The following FHIP1A variants were observed in gnomAD, a reference collection of about 807,000 sequenced individuals.
The protein encoded by FHIP1A is FHF complex subunit HOOK-interacting protein 1A.
FHIP1A carries 61 observed loss-of-function variants against 88.6 expected under a neutral mutation model. The observed-to-expected ratio is 0.69, with a 90% CI of 0.56 to 0.85. The LOEUF is 0.85. Among genes scored for constraint, FHIP1A ranks in the 40% least tolerant of loss-of-function variants. FHIP1A has a pLI of 0.00. For synonymous variants in FHIP1A, 478 were observed against 496.0 expected (o/e 0.96, Z 0.48); for missense variants, 1,154 against 1,273.5 (o/e 0.91, Z 1.43).
At chr4:151,434,536 T>C (rs1168044188) in intron 1 of FHIP1A, among the ~76,000 whole-genome samples, 1 of 152,208 alleles carries the variant, frequency 6.6e-6, no homozygotes, top group Non-Finnish European at 1.5e-5. Flanking sequence ...GTAAATATTT[T>C]CACATTGACT....
chr4:151,436,514 A>G (rs1019458139), intron 1 of FHIP1A: 1 of 152,138 alleles, frequency 6.6e-6, no homozygotes, highest in Non-Finnish European at 1.5e-5. Flanking sequence ...GGCTACAGTT[A>G]CTGGTACGCA....
rs1228408174 is a variant in FHIP1A, at chr4:151,650,072, C to A, written c.2031C>A (p.Val677=). Residue 677 remains valine, a synonymous_variant, in exon 11 of 14, where the codon GTC becomes GTA. Transcript: ENST00000435205. ...AAGCCCAGGCTGAAGTTCAGAGTGT[C>A]CCCATCAACAACGGCCCCCTCCTCA... is the stretch of plus-strand genomic sequence containing the variant. ...PAEAQAEVQS[V]PINNGPLLST... is the part of the protein sequence containing the mutation. 1 of 1,551,536 alleles carries A rather than the reference C, an allele frequency of 6.4e-7. No homozygotes were observed. The highest frequency in any genetic ancestry group is 2.4e-5 in the East Asian group (1 of 40,918).
chr4:151,444,916 C>A (rs1728537308), intron 1 of FHIP1A, among the ~76,000 whole-genome samples: 1 of 152,172 alleles, frequency 6.6e-6, no homozygotes, highest in African/African-American at 2.4e-5. Flanking sequence ...CCAACCAATT[C>A]TTTAATTCTT....
At chr4:151,641,336 C>T (rs1055137681) in intron 9 of FHIP1A, among the ~76,000 whole-genome samples, 4 of 152,168 alleles carry the variant, frequency 2.6e-5, no homozygotes, top group African/African-American at 9.7e-5. Flanking sequence ...TGATGTGACT[C>T]AGCATGTTTT....
chr4:151,525,764 T>C (rs1393974868), intron 3 of FHIP1A, among the ~76,000 whole-genome samples: 5 of 151,702 alleles, frequency 3.3e-5, no homozygotes, highest in Non-Finnish European at 7.4e-5. Context: ...TTTTTTTTCA[T>C]TTTTAATTTT....
intron 3 of FHIP1A, among the ~76,000 whole-genome samples, chr4:151,522,563 G>A (rs1005410891): frequency 1.3e-5 from 2 of 152,176 alleles, no homozygotes; most frequent in Non-Finnish European, 2.9e-5. Context: ...ATTCCCTTCA[G>A]TATCCAATTT....
chr4:151,496,037 C>G (rs540342283), intron 3 of FHIP1A, among the ~76,000 whole-genome samples: 2 of 151,978 alleles, frequency 1.3e-5, no homozygotes, highest in Non-Finnish European at 2.9e-5. Context: ...TATTTAGGGT[C>G]TCAGCATGAA....
intron 6 of FHIP1A, among the ~76,000 whole-genome samples, chr4:151,587,135 T>A (rs1376124787): frequency 6.6e-6 from 1 of 152,222 alleles, no homozygotes; most frequent in Non-Finnish European, 1.5e-5. Flanking sequence ...TTATACCGCT[T>A]TTACTTCAAG....
rs1000791132 is a variant in FHIP1A at position 151,535,165 on chromosome 4, G to A, written c.-122-30973G>A. ...CCGGAAATCAAAGCTGCAGTGAGCT[G>A]TGATTGTGCCACTGCACTCCAGCCT... is the stretch of plus-strand genomic sequence containing the variant. On this transcript the variant is annotated intron_variant, in intron 3 of 13. Coordinates refer to ENST00000435205, the MANE Select transcript of FHIP1A (RefSeq NM_001109977.3). Among the ~76,000 whole-genome samples the A allele has an allele frequency of 5.9e-5, 9 of 152,152 alleles. No individual in the cohort carries two copies. In the East Asian group the frequency reaches 1.7e-3, roughly 29 times the overall value.
At position 151,566,421 on chromosome 4, in the gene FHIP1A, A is replaced by G. The variant is rs1223554874; in HGVS notation, c.105+57A>G. The G allele has an allele frequency of 4.1e-6, 4 of 966,512 alleles. No individual in the cohort carries two copies. In the East Asian group the frequency reaches 1.1e-4, roughly 26 times the overall value. 59.9% of individuals were successfully genotyped at this position (966,512 alleles called of 1,614,324 possible). ...CTCAGTAACCCCAGGGGCCTCCATC[A>G]CACTGAATCAGGGTTTTCTACCTCT... On this transcript the variant is annotated intron_variant, in intron 4 of 13. Transcript: ENST00000435205.
intron 1 of FHIP1A, among the ~76,000 whole-genome samples, chr4:151,441,344 G>A (rs1728405976): frequency 6.7e-6 from 1 of 149,012 alleles, no homozygotes; most frequent in African/African-American, 2.5e-5. Context: ...TTTGTATTAA[G>A]ATGACCTTTA....
rs547933713 is a variant in FHIP1A, at chr4:151,500,246, G to A, written c.-123+17598G>A. ...AGGAGGTTTGTACTTAGCAGAATAGGGGACTTTATGGCCACTCTTTAATTT... is the reference window on the plus strand; with the variant it reads ...AGGAGGTTTGTACTTAGCAGAATAGAGGACTTTATGGCCACTCTTTAATTT... On this transcript the variant is annotated intron_variant, in intron 3 of 13. Transcript: ENST00000435205. Among the ~76,000 whole-genome samples the A allele has an allele frequency of 2.0e-3, 306 of 152,052 alleles. 1 individual carries two copies. The highest frequency in any genetic ancestry group is 7.3e-3 in the African/African-American group (304 of 41,476).
rs73861845 is a variant in FHIP1A at position 151,498,069 on chromosome 4, C to T, written c.-123+15421C>T. Among the ~76,000 whole-genome samples the T allele has an allele frequency of 7.9e-3, 1,202 of 152,300 alleles. 11 individuals are homozygous for T. The highest frequency in any genetic ancestry group is 0.028 in the African/African-American group (1,155 of 41,562). ...TCCATCCACTGACCCCCTCTCTCTGCTCATTGGCTGTAATTCCCATCTGTG... is the reference window on the plus strand; with the variant it reads ...TCCATCCACTGACCCCCTCTCTCTGTTCATTGGCTGTAATTCCCATCTGTG... On this transcript the variant is annotated intron_variant, in intron 3 of 13. Transcript: ENST00000435205.
At chr4:151,459,620 C>T (rs1020384884) in intron 2 of FHIP1A, among the ~76,000 whole-genome samples, 5 of 152,260 alleles carry the variant, frequency 3.3e-5, no homozygotes, top group Middle Eastern at 3.4e-3. Flanking sequence ...GTTTAGCAAA[C>T]GAGATTATCT....
chr4:151,583,282 A>G (rs981432524), intron 5 of FHIP1A, among the ~76,000 whole-genome samples: 3 of 152,234 alleles, frequency 2.0e-5, no homozygotes, highest in African/African-American at 7.2e-5. Context: ...TTTCTTTGCC[A>G]TTCTGAAGGA....
At chr4:151,487,116 T>G (rs1240489493) in intron 3 of FHIP1A, among the ~76,000 whole-genome samples, 1 of 152,218 alleles carries the variant, frequency 6.6e-6, no homozygotes, top group African/African-American at 2.4e-5. Flanking sequence ...ATAGTAAACC[T>G]TAAAACACTA....
chr4:151,436,585 C>T (rs2126550440), intron 1 of FHIP1A: 1 of 152,236 alleles, frequency 6.6e-6, no homozygotes, highest in Middle Eastern at 3.4e-3. Context: ...GGTCATCCCT[C>T]GGTATCTGTG....
chr4:151,550,765 A>G (rs1172576243), intron 3 of FHIP1A, among the ~76,000 whole-genome samples: 1 of 152,216 alleles, frequency 6.6e-6, no homozygotes, highest in African/African-American at 2.4e-5. Flanking sequence ...CCTGGGATGC[A>G]GACTCTGAGG....
chr4:151,544,710 A>G (rs1024089301), intron 3 of FHIP1A, among the ~76,000 whole-genome samples: 1 of 152,116 alleles, frequency 6.6e-6, no homozygotes, highest in Non-Finnish European at 1.5e-5. Flanking sequence ...CTCTTCTGCC[A>G]TGGTATTGAG....
Sources: allele counts gnomAD v4.1 joint callset (sites outside exome capture counted in the v4.1 genomes callset), GRCh38; gene constraint gnomAD v4.1.1; transcripts MANE v1.5; gene names NCBI Gene and HGNC (gene_info 2026-07-23, HGNC 2026-07-21).